RAI1: variants seen among roughly 807,000 people sequenced by gnomAD.
RAI1 encodes the protein retinoic acid induced 1.
Under a neutral mutation model 123.8 loss-of-function variants are expected in RAI1, and 9 were observed. The observed-to-expected ratio is 0.07, with a 90% CI of 0.04 to 0.13. The LOEUF is 0.13. RAI1 is among the 10% of genes least tolerant of loss of function. The pLI is 1.00. For synonymous variants in RAI1, 1,231 were observed against 1,127.3 expected (o/e 1.09, Z -1.84); for missense variants, 2,256 against 2,545.8 (o/e 0.89, Z 2.45).
intron 1 of RAI1, among the ~76,000 whole-genome samples, chr17:17,694,741 C>T (rs1203010792): frequency 1.3e-5 from 2 of 150,298 alleles, no homozygotes; most frequent in Admixed American, 6.6e-5. Flanking sequence ...ACCTTCGGGG[C>T]GCTGAGGCCA....
At chr17:17,785,266 C>G (rs1346021478) in intron 2 of RAI1, among the ~76,000 whole-genome samples, 2 of 152,238 alleles carry the variant, frequency 1.3e-5, no homozygotes, top group Non-Finnish European at 2.9e-5. Context: ...GGCCTCCAGG[C>G]CCCTCATCCT....
At chr17:17,697,282 G>GA (rs1915071167) in intron 1 of RAI1, among the ~76,000 whole-genome samples, 1 of 152,254 alleles carries the variant, frequency 6.6e-6, no homozygotes, top group Non-Finnish European at 1.5e-5. Context: ...TTACTGGATG[G>GA]AAAAATCACA....
intron 2 of RAI1, among the ~76,000 whole-genome samples, chr17:17,785,519 T>C (rs1038519882): frequency 2.2e-4 from 33 of 152,174 alleles, no homozygotes; most frequent in Non-Finnish European, 4.6e-4. Context: ...CCATCAATTA[T>C]GTAATTACCG....
rs143608921 is a variant in RAI1, at chr17:17,797,476, C to T, written c.4528C>T (p.Pro1510Ser). The change falls in exon 3 of 6, where the codon CCC (proline) becomes TCC (serine). Residue 1510 changes from proline to serine, a missense_variant. By Grantham distance (74) the Pro-to-Ser change is moderately conservative (BLOSUM62 -1). Around this residue, in one of 7 missense-constraint regions of RAI1, gnomAD observed 410 missense variants for 374.6 expected, o/e 1.09. Transcript: ENST00000353383. Reference sequence around the variant, plus strand: ...GGAGGAGCTGGGCCTGGCCTCCCAGCCCCCGGAGGGCAGGCCCTGCCAGCC... The same window carrying T: ...GGAGGAGCTGGGCCTGGCCTCCCAGTCCCCGGAGGGCAGGCCCTGCCAGCC... ...KMEELGLASQ[P>S]PEGRPCQPQT... is the part of the protein sequence containing the mutation. 4 of 1,613,130 alleles carry T rather than the reference C, an allele frequency of 2.5e-6. No individual in the cohort carries two copies. The highest frequency in any genetic ancestry group is 1.3e-5 in the African/African-American group (1 of 74,992).
chr17:17,746,050 A>G (rs1012856259), intron 2 of RAI1, among the ~76,000 whole-genome samples: 1 of 151,700 alleles, frequency 6.6e-6, no homozygotes, highest in Non-Finnish European at 1.5e-5. Flanking sequence ...GCCCCTGCCT[A>G]CCAGGCCACC....
chr17:17,720,102 C>T (rs1167191627), intron 1 of RAI1, among the ~76,000 whole-genome samples: 1 of 152,172 alleles, frequency 6.6e-6, no homozygotes, highest in Non-Finnish European at 1.5e-5. Flanking sequence ...TGGCTGGCTC[C>T]ACTGCCTGCA....
chr17:17,713,423 T>A (rs1212193196), intron 1 of RAI1, among the ~76,000 whole-genome samples: 1 of 152,172 alleles, frequency 6.6e-6, no homozygotes, highest in Non-Finnish European at 1.5e-5. Context: ...ACGGATCACC[T>A]GAGGTCAGGG....
At chr17:17,738,059 G>A (rs988163252) in intron 2 of RAI1, among the ~76,000 whole-genome samples, 7 of 152,108 alleles carry the variant, frequency 4.6e-5, no homozygotes, top group Non-Finnish European at 7.4e-5. Context: ...TGAGGTGGAC[G>A]GCTGCTGGTC....
rs1248698236 is a variant in RAI1, at chr17:17,754,331, G to T, written c.-17+30172G>T. 3.3e-5 allele frequency among the ~76,000 whole-genome samples: 5 copies of T among 150,988 alleles called. No individual in the cohort carries two copies. In the South Asian group the frequency reaches 1.0e-3, roughly 32 times the overall value. On this transcript the variant is annotated intron_variant, in intron 2 of 5. Coordinates refer to ENST00000353383, the MANE Select transcript of RAI1 (RefSeq NM_030665.4). ...GCAGTTCTCCTGCCTCAGCCCCCCG[G>T]GTTCAAGCAACTCTCCTGCCTCAGC...
chr17:17,682,154 G>A (rs1185770116), intron 1 of RAI1, among the ~76,000 whole-genome samples: 9 of 151,166 alleles, frequency 6.0e-5, no homozygotes, highest in Non-Finnish European at 8.9e-5. Context: ...AGCGTGGGGT[G>A]GGGACGTGGG....
At chr17:17,682,986 C>T (rs1471569398) in intron 1 of RAI1, among the ~76,000 whole-genome samples, 1 of 152,168 alleles carries the variant, frequency 6.6e-6, no homozygotes, top group Admixed American at 6.5e-5. Context: ...CACACTCTCC[C>T]GCGCCGCCTT....
chr17:17,803,995 C>T, intron 4 of RAI1, 146 bp downstream of exon 4: 2 of 836,796 alleles, frequency 2.4e-6, no homozygotes, highest in Non-Finnish European at 4.0e-6. Flanking sequence ...TTTTATCCTT[C>T]TGTCTGCCTA....
chr17:17,696,836 T>G (rs1255014233), intron 1 of RAI1, among the ~76,000 whole-genome samples: 1 of 152,238 alleles, frequency 6.6e-6, no homozygotes, highest in Non-Finnish European at 1.5e-5. Flanking sequence ...GTCTCAGACC[T>G]TGGCCTCATC....
At chr17:17,723,681 T>G (rs8082707) in intron 1 of RAI1, among the ~76,000 whole-genome samples, 3 of 28,654 alleles carry the variant, frequency 1.0e-4, no homozygotes, top group South Asian at 1.1e-3. Context: ...CCCGCCCGCC[T>G]CCTCCTTCCC....
chr17:17,734,538 G>A (rs1046688084), intron 2 of RAI1, among the ~76,000 whole-genome samples: 5 of 152,190 alleles, frequency 3.3e-5, no homozygotes, highest in Admixed American at 6.5e-5. Context: ...TTATCCTCCC[G>A]TGGGAGCAGA....
intron 1 of RAI1, among the ~76,000 whole-genome samples, chr17:17,707,763 T>C (rs1428695791): frequency 2.0e-5 from 3 of 152,152 alleles, no homozygotes; most frequent in Non-Finnish European, 1.5e-5. Context: ...CTACTAATTT[T>C]TTGTATTTTT....
chr17:17,766,906 G>A (rs1368436261), intron 2 of RAI1, among the ~76,000 whole-genome samples: 1 of 152,050 alleles, frequency 6.6e-6, no homozygotes, highest in African/African-American at 2.4e-5. Context: ...CTGGTCTTGT[G>A]GCTTTGGAAG....
intron 2 of RAI1, among the ~76,000 whole-genome samples, chr17:17,769,387 C>T (rs1429291143): frequency 6.6e-6 from 1 of 152,220 alleles, no homozygotes; most frequent in East Asian, 1.9e-4. Flanking sequence ...GGTCGGATCT[C>T]AGACTGCAGC....
Position 17,738,937 on chromosome 17 carries a change from G to C in RAI1, c.-17+14778G>C, listed in dbSNP as rs376943363. On this transcript the variant is annotated intron_variant, in intron 2 of 5. Coordinates refer to ENST00000353383, the MANE Select transcript of RAI1 (RefSeq NM_030665.4). ...CCTTACCCAGACAGCCCAGCACGCT[G>C]CCCGTAGTATCCTGGGGAAGGGCAG... Among the ~76,000 whole-genome samples, 33 of 152,306 alleles carry C rather than the reference G, an allele frequency of 2.2e-4. 2 individuals are homozygous for C. The highest frequency in any genetic ancestry group is 1.4e-3 in the Admixed American group (22 of 15,308).
Sources: gnomAD v4.1 joint callset for allele counts (sites outside exome capture counted in the v4.1 genomes callset) on GRCh38, gnomAD v4.1.1 for gene constraint, gnomAD v4.1.1 regional missense constraint, MANE v1.5 for transcripts, NCBI Gene and HGNC (gene_info 2026-07-23, HGNC 2026-07-21) for gene names.